Variants in NKX2-8 observed in about 807,000 individuals in gnomAD.
NKX2-8 encodes NK2 homeobox 8.
A neutral mutation model predicts 6.4 loss-of-function variants in NKX2-8; 8 were observed. The observed-to-expected ratio is 1.24, with a 90% confidence interval of 0.73 to 2.24. The LOEUF is 2.24. Among genes scored for constraint, NKX2-8 ranks in the 30% most tolerant of loss-of-function variants. The probability of loss-of-function intolerance (pLI) is 0.00; values close to 1 mark genes in which losing one functional copy is unlikely to be tolerated. For synonymous variants in NKX2-8, 216 were observed against 171.5 expected, an observed-to-expected ratio of 1.26 and a Z score of -2.03; for missense variants, 406 against 351.1, an observed-to-expected ratio of 1.16 and a Z score of -1.25.
In NKX2-8 at chr14:36,582,457, C is replaced by CG; in HGVS notation, c.-69_-68insC. On this transcript the variant is annotated 5_prime_UTR_variant, in exon 1 of 2. The change abolishes the stop of an existing upstream ORF in the 5' untranslated region. Transcript: ENST00000258829. Reference sequence around the variant, plus strand: ...CGGAGGGGCGGCCGGGACGCCGCTCCTACGGATGGGCGTGGGAGGCGCTCG... The same window carrying CG: ...CGGAGGGGCGGCCGGGACGCCGCTCCGTACGGATGGGCGTGGGAGGCGCTCG... 7.1e-7 allele frequency: 1 copy of CG among 1,414,564 alleles called. No homozygotes were observed. Among genetic ancestry groups the CG allele is most frequent in the Non-Finnish European group, 9.3e-7 (1 of 1,069,740 alleles). 87.6% of individuals were successfully genotyped at this position (1,414,564 alleles called of 1,614,324 possible).
chr14:36,581,848 G>A lies in NKX2-8; in HGVS notation c.158-384C>T, dbSNP rs967993003. ...AGCCCTGAGTGGGAACGGGGTGGGG[G>A]TAAACTCGCCAACACTGGCCATCCC... is the stretch of plus-strand genomic sequence containing the variant. On this transcript the variant is annotated intron_variant, in intron 1 of 1. Coordinates refer to ENST00000258829, the MANE Select transcript of NKX2-8 (RefSeq NM_014360.4). This position sits in a 1 kb window ranked among gnomAD's most constrained non-coding sequence, Gnocchi z 5.6. Among the ~76,000 whole-genome samples the A allele has an allele frequency of 3.7e-5, 5 of 136,870 alleles. No individual in the cohort carries two copies. The highest frequency in any genetic ancestry group is 7.7e-5 in the Non-Finnish European group (5 of 64,818). The allele number at this position is 136,870 out of a possible 152,430, so 89.8% of individuals were successfully genotyped here.
At position 36,580,008 on chromosome 14, in the gene NKX2-8, A is replaced by G. The variant is rs892467814; in HGVS notation, c.*894T>C. 2.0e-5 allele frequency among the ~76,000 whole-genome samples: 3 copies of G among 152,162 alleles called. No homozygotes were observed. The highest frequency in any genetic ancestry group is 4.4e-5 in the Non-Finnish European group (3 of 68,034). ...GCGCCATGAGGAGACAGGAAATCAC[A>G]GCTAACTTAGGCACTTGCAGGCTTA... is the stretch of plus-strand genomic sequence containing the variant. On this transcript the variant is annotated 3_prime_UTR_variant, in exon 2 of 2. Transcript: ENST00000258829.
chr14:36,581,487 G>A lies in NKX2-8; in HGVS notation c.158-23C>T. The A allele has an allele frequency of 6.6e-7, 1 of 1,506,152 alleles. No individual in the cohort carries two copies. Among genetic ancestry groups the A allele is most frequent in the Non-Finnish European group, 8.9e-7 (1 of 1,129,470 alleles). 93.3% of individuals were successfully genotyped at this position (1,506,152 alleles called of 1,614,324 possible). A position where few individuals can be genotyped will look rare whatever the true frequency, so the allele number is the denominator to read the frequency against. ...AGGCTAGGGACAGCAAAGGAGACACGGGTGGGTGAGACGCCGGACCCTACG... is the reference window on the plus strand; with the variant it reads ...AGGCTAGGGACAGCAAAGGAGACACAGGTGGGTGAGACGCCGGACCCTACG... On this transcript the variant is annotated intron_variant, in intron 1 of 1. Transcript: ENST00000258829. This position sits in a 1 kb window ranked among gnomAD's most constrained non-coding sequence, Gnocchi z 5.6.
rs1879212826 is a variant in NKX2-8 at position 36,581,083 on chromosome 14, G to C, written c.539C>G (p.Pro180Arg). ...CTCGCCACCGCCGCCGCCGCCGCAC[G>C]GCTGCCCGTCGCGAACAAGCACCGG... Reference protein sequence around the residue: ...VVPVLVRDGQPCGGGGGGEVG... With the variant: ...VVPVLVRDGQRCGGGGGGEVG... The change falls in exon 2 of 2, where the codon CCG (proline) becomes CGG (arginine). Residue 180 changes from proline to arginine, a missense_variant. Coordinates refer to ENST00000258829, the MANE Select transcript of NKX2-8 (RefSeq NM_014360.4). This position sits in a 1 kb window ranked among gnomAD's most constrained non-coding sequence, Gnocchi z 5.6. 3.5e-6 allele frequency: 5 copies of C among 1,408,814 alleles called. No individual in the cohort carries two copies. Among genetic ancestry groups the C allele is most frequent in the Non-Finnish European group, 4.6e-6 (5 of 1,093,514 alleles). The allele number at this position is 1,408,814 out of a possible 1,614,324, so 87.3% of individuals were successfully genotyped here. A position where few individuals can be genotyped will look rare whatever the true frequency, so the allele number is the denominator to read the frequency against.
rs375081172 is a variant in NKX2-8, at chr14:36,582,252, C to T, written c.138G>A (p.Ser46=). ...QPDPCAAWLD[S]ERGHYPSSDE... ...ACTTACAAGGGTAGTGGCCGCGCTC[C>T]GAATCCAGCCAGGCGGCGCAGGGGT... The change falls in exon 1 of 2, where the codon TCG becomes TCA. Residue 46 remains serine (S), a synonymous_variant. Coordinates refer to ENST00000258829, the MANE Select transcript of NKX2-8 (RefSeq NM_014360.4). The T allele has an allele frequency of 6.2e-6, 10 of 1,608,740 alleles. No homozygotes were observed. The highest frequency in any genetic ancestry group is 2.3e-5 in the East Asian group (1 of 44,394).
In NKX2-8 at chr14:36,581,422, G is replaced by A. The variant is rs773042930; in HGVS notation, c.200C>T (p.Ser67Leu). 1.3e-6 allele frequency: 2 copies of A among 1,589,436 alleles called. No homozygotes were observed. Among genetic ancestry groups the A allele is most frequent in the East Asian group, 2.3e-5 (1 of 44,294 alleles). ...SSLETSPPDS[S>L]QRPSARPASP... ...CGCGGGCCTAGCGGACGGCCGCTGC[G>A]ACGAGTCTGGCGGGCTGGTCTCCAG... The change falls in exon 2 of 2, where the codon TCG becomes TTG. Residue 67 changes from serine to leucine, a missense_variant. Ser to Leu is a moderately radical substitution (Grantham distance 145). Transcript: ENST00000258829. The surrounding 1 kb of genome is among the most constrained non-coding windows in gnomAD (Gnocchi z 5.6).
rs528854438 is a variant in NKX2-8, at chr14:36,582,344, C to G, written c.46G>C (p.Asp16His). The G allele has an allele frequency of 1.9e-6, 3 of 1,599,936 alleles. No homozygotes were observed. The African/African-American group carries it at 4.0e-5, about 21-fold the overall frequency. ...RLSFTVRSLL[D>H]LPEQDAQHLP... ...TGTTGCGCGTCCTGCTCGGGTAAAT[C>G]TAGAAGGCTGCGCACGGTGAAGCTC... The change falls in exon 1 of 2, where the codon GAT becomes CAT. Residue 16 changes from aspartate to histidine, a missense_variant. Asp to His is a moderately conservative substitution (Grantham distance 81, BLOSUM62 -1). Coordinates refer to ENST00000258829, the MANE Select transcript of NKX2-8 (RefSeq NM_014360.4).
At position 36,581,530 on chromosome 14, in the gene NKX2-8, T is replaced by C. The variant is rs1245755031; in HGVS notation, c.158-66A>G. 1.4e-6 allele frequency: 2 copies of C among 1,410,260 alleles called. No individual in the cohort carries two copies. The highest frequency in any genetic ancestry group is 1.9e-6 in the Non-Finnish European group (2 of 1,060,968). The allele number at this position is 1,410,260 out of a possible 1,614,324, so 87.4% of individuals were successfully genotyped here. On this transcript the variant is annotated intron_variant, in intron 1 of 1. Coordinates refer to ENST00000258829, the MANE Select transcript of NKX2-8 (RefSeq NM_014360.4). This position sits in a 1 kb window ranked among gnomAD's most constrained non-coding sequence, Gnocchi z 5.6. The stretch of plus-strand genomic sequence containing the variant: ...ACCCTACGAGGGCCTGCTGCCCTTC[T>C]GGCGCGGGCGTGGAGGCACTGGCCA...
chr14:36,580,797 G>T lies in NKX2-8; in HGVS notation c.*105C>A. The T allele has an allele frequency of 1.2e-6, 1 of 844,360 alleles. No individual in the cohort carries two copies. Among genetic ancestry groups the T allele is most frequent in the Non-Finnish European group, 1.6e-6 (1 of 632,160 alleles). 52.3% of individuals were successfully genotyped at this position (844,360 alleles called of 1,614,324 possible). On this transcript the variant is annotated 3_prime_UTR_variant, in exon 2 of 2. Transcript: ENST00000258829. ...CCCTGGCGCCCAAGGAGATGGGGCT[G>T]CAGGGAGGCGGACGGAGAGCGTTCC...
Position 36,582,377 on chromosome 14 carries a change from C to T in NKX2-8, c.13G>A (p.Gly5Arg). Residue 5 changes from glycine (G) to arginine (R), a missense_variant, in exon 1 of 2, where the codon GGA becomes AGA. Physicochemically the swap from Gly to Arg is moderately radical, Grantham distance 125. Transcript: ENST00000258829. ...CTGCGCACGGTGAAGCTCAGGCGTC[C>T]AGAGGTGGCCATGGCCGAGGAGGGG... MATS[G>R]RLSFTVRSLL... 1.3e-6 allele frequency: 2 copies of T among 1,525,242 alleles called. No homozygotes were observed. Among genetic ancestry groups the T allele is most frequent in the South Asian group, 2.5e-5 (2 of 81,190 alleles). 94.5% of individuals were successfully genotyped at this position (1,525,242 alleles called of 1,614,324 possible). A position where few individuals can be genotyped will look rare whatever the true frequency, so the allele number is the denominator to read the frequency against.
chr14:36,581,606 TC>T lies in NKX2-8; in HGVS notation c.158-143del. The T allele has an allele frequency of 1.5e-6, 1 of 683,720 alleles. No homozygotes were observed. The highest frequency in any genetic ancestry group is 2.4e-6 in the Non-Finnish European group (1 of 411,332). The allele number at this position is 683,720 out of a possible 1,614,324, so 42.4% of individuals were successfully genotyped here. A position where few individuals can be genotyped will look rare whatever the true frequency, so the allele number is the denominator to read the frequency against. On this transcript the variant is annotated intron_variant, in intron 1 of 1. Transcript: ENST00000258829. This position sits in a 1 kb window ranked among gnomAD's most constrained non-coding sequence, Gnocchi z 5.6. ...TTTCGGGATGAGGCCATTTCCTGAG[TC>T]CACATCTGGACATCCACCTCTCCGA...
In NKX2-8 at chr14:36,582,434, G is replaced by A. The variant is rs1388705352; in HGVS notation, c.-45C>T. The A allele has an allele frequency of 1.4e-6, 2 of 1,429,466 alleles. No homozygotes were observed. Among genetic ancestry groups the A allele is most frequent in the South Asian group, 3.1e-5 (2 of 64,582 alleles). The allele number at this position is 1,429,466 out of a possible 1,614,324, so 88.5% of individuals were successfully genotyped here. A position where few individuals can be genotyped will look rare whatever the true frequency, so the allele number is the denominator to read the frequency against. On this transcript the variant is annotated 5_prime_UTR_variant, in exon 1 of 2. Coordinates refer to ENST00000258829, the MANE Select transcript of NKX2-8 (RefSeq NM_014360.4). The stretch of plus-strand genomic sequence containing the variant: ...GCGGGGGCAGGGCAGGCTGGGAACG[G>A]AGGGGCGGCCGGGACGCCGCTCCTA...
At chr14:36,582,125 C>T (rs1267683269) in intron 1 of NKX2-8, 108 bp downstream of exon 1, 7 of 1,249,134 alleles carry the variant, frequency 5.6e-6, no homozygotes, top group Admixed American at 2.6e-5. Context: ...GAAATCTAGA[C>T]TCTGGGCTGG....
Position 36,581,670 on chromosome 14 carries a change from G to A in NKX2-8, c.158-206C>T, listed in dbSNP as rs1879248155. On this transcript the variant is annotated intron_variant, in intron 1 of 1. Transcript: ENST00000258829. The surrounding 1 kb of genome is among the most constrained non-coding windows in gnomAD (Gnocchi z 5.6). ...CATTCATACCACAGCGGTCATCAGC[G>A]GGCCTGAGATCGTGCCCCGAAAAAA... is the stretch of plus-strand genomic sequence containing the variant. Among the ~76,000 whole-genome samples, 1 of 152,214 alleles carries A rather than the reference G, an allele frequency of 6.6e-6. No individual in the cohort carries two copies.
chr14:36,581,064 A>G lies in NKX2-8; in HGVS notation c.558T>C (p.Gly186=), dbSNP rs1879210946. The stretch of plus-strand genomic sequence containing the variant: ...GGGCCGCGGCGGTTCCCACCTCGCC[A>G]CCGCCGCCGCCGCCGCACGGCTGCC... The part of the protein sequence containing the change: ...RDGQPCGGGG[G]GEVGTAAAQE... The change falls in exon 2 of 2, where the codon GGT becomes GGC. Residue 186 remains glycine, a synonymous_variant. Coordinates refer to ENST00000258829, the MANE Select transcript of NKX2-8 (RefSeq NM_014360.4). This position sits in a 1 kb window ranked among gnomAD's most constrained non-coding sequence, Gnocchi z 5.6. The G allele has an allele frequency of 4.4e-6, 6 of 1,378,882 alleles. No individual in the cohort carries two copies. The Admixed American group carries it at 1.1e-4, about 26-fold the overall frequency. 85.4% of individuals were successfully genotyped at this position (1,378,882 alleles called of 1,614,324 possible). A position where few individuals can be genotyped will look rare whatever the true frequency, so the allele number is the denominator to read the frequency against.
At position 36,581,584 on chromosome 14, in the gene NKX2-8, C is replaced by T. The variant is rs1191672539; in HGVS notation, c.158-120G>A. ...GGCACGCCCACTAGCCCGAGACTTT[C>T]GGGATGAGGCCATTTCCTGAGTCCA... is the stretch of plus-strand genomic sequence containing the variant. On this transcript the variant is annotated intron_variant, in intron 1 of 1. Transcript: ENST00000258829. The surrounding 1 kb of genome is among the most constrained non-coding windows in gnomAD (Gnocchi z 5.6). 16 of 822,772 alleles carry T rather than the reference C, an allele frequency of 1.9e-5. No individual in the cohort carries two copies. The highest frequency in any genetic ancestry group is 2.8e-5 in the Non-Finnish European group (15 of 533,900). The allele number at this position is 822,772 out of a possible 1,614,324, so 51.0% of individuals were successfully genotyped here.
rs1413050698 is a variant in NKX2-8 at position 36,581,470 on chromosome 14, G to A, written c.158-6C>T. 1.3e-6 allele frequency: 2 copies of A among 1,537,272 alleles called. No individual in the cohort carries two copies. The highest frequency in any genetic ancestry group is 1.4e-5 in the African/African-American group (1 of 72,784). ...CAGGCTGCTCTCGTCCGAGGCTAGG[G>A]ACAGCAAAGGAGACACGGGTGGGTG... On this transcript the variant is annotated splice_polypyrimidine_tract_variant and splice_region_variant and intron_variant, in intron 1 of 1. Coordinates refer to ENST00000258829, the MANE Select transcript of NKX2-8 (RefSeq NM_014360.4). This position sits in a 1 kb window ranked among gnomAD's most constrained non-coding sequence, Gnocchi z 5.6.
chr14:36,582,062 C>G (rs975635523), intron 1 of NKX2-8, among the ~76,000 whole-genome samples, 171 bp downstream of exon 1: 1 of 152,212 alleles, frequency 6.6e-6, no homozygotes, highest in Non-Finnish European at 1.5e-5. Context: ...ATGTGCCGAC[C>G]GGGATGAATG....
chr14:36,581,347 G>C lies in NKX2-8; in HGVS notation c.275C>G (p.Ser92Cys). 5.1e-6 allele frequency: 8 copies of C among 1,572,318 alleles called. No homozygotes were observed. The highest frequency in any genetic ancestry group is 6.9e-6 in the Non-Finnish European group (8 of 1,158,652). ...EKRKKRRVLF[S>C]KAQTLELERR... ...CTCCAACTCCAGCGTCTGCGCCTTG[G>C]AGAATAGCACCCGCCGCTTCTTCCT... is the stretch of plus-strand genomic sequence containing the variant. The change falls in exon 2 of 2, where the codon TCC becomes TGC. Residue 92 changes from serine (S) to cysteine (C), a missense_variant. Ser to Cys is a moderately radical substitution (Grantham distance 112). Coordinates refer to ENST00000258829, the MANE Select transcript of NKX2-8 (RefSeq NM_014360.4). The surrounding 1 kb of genome is among the most constrained non-coding windows in gnomAD (Gnocchi z 5.6).
Sources: gnomAD v4.1 joint callset for allele counts (sites outside exome capture counted in the v4.1 genomes callset) on GRCh38, gnomAD v4.1.1 for gene constraint, Gnocchi (gnomAD v3.1) non-coding constraint, MANE v1.5 for transcripts, NCBI Gene and HGNC (gene_info 2026-07-23, HGNC 2026-07-21) for gene names.